MTUS2: variants seen among roughly 807,000 people sequenced by gnomAD.
MTUS2 encodes the protein microtubule-associated tumor suppressor candidate 2.
Under a neutral mutation model 114.1 loss-of-function variants are expected in MTUS2, and 40 were observed. The ratio of observed to expected loss-of-function variants is 0.35; its 90% confidence interval spans 0.27 to 0.46. The LOEUF (loss-of-function observed/expected upper bound fraction) is 0.46. Ranked by LOEUF, MTUS2 falls within the 20% of genes least tolerant of loss-of-function variation. MTUS2 has a pLI of 1.00. For missense variants in MTUS2, 1,679 were observed against 1,705.4 expected (o/e 0.98, Z 0.27); for synonymous variants, 688 against 672.0 (o/e 1.02, Z -0.37).
At chr13:29,115,841 T>C (rs1289468571) in intron 5 of MTUS2, among the ~76,000 whole-genome samples, 2 of 152,188 alleles carry the variant, frequency 1.3e-5, no homozygotes, top group Non-Finnish European at 2.9e-5. Flanking sequence ...GCATTTGAAC[T>C]CAGTGATATT....
intron 9 of MTUS2, among the ~76,000 whole-genome samples, chr13:29,468,308 G>T (rs965693896): frequency 2.0e-5 from 3 of 152,144 alleles, no homozygotes; most frequent in African/African-American, 4.8e-5. Flanking sequence ...GCTGGGCACA[G>T]TGGCTCACGC....
intron 4 of MTUS2, among the ~76,000 whole-genome samples, chr13:29,067,868 A>C (rs1468356427): frequency 1.3e-5 from 2 of 152,198 alleles, no homozygotes; most frequent in Non-Finnish European, 2.9e-5. Context: ...TAAGTGGAAC[A>C]CTGATTCTTC....
chr13:29,416,297 CTCTT>C (rs1441070006), intron 8 of MTUS2, among the ~76,000 whole-genome samples: 1 of 151,906 alleles, frequency 6.6e-6, no homozygotes, highest in African/African-American at 2.4e-5. Flanking sequence ...TTATTTTACT[CTCTT>C]TATTCTGTCT....
intron 1 of MTUS2, among the ~76,000 whole-genome samples, chr13:28,828,046 G>C (rs1300978589): frequency 2.0e-5 from 3 of 152,122 alleles, no homozygotes; most frequent in African/African-American, 7.2e-5. Flanking sequence ...GGAGCGCTAC[G>C]GGAGACTGGG....
intron 6 of MTUS2, among the ~76,000 whole-genome samples, chr13:29,305,169 C>G (rs1315045612): frequency 2.6e-5 from 4 of 152,088 alleles, no homozygotes; most frequent in Non-Finnish European, 4.4e-5. Context: ...CACTGAATGT[C>G]CATGTCAAAA....
intron 2 of MTUS2, among the ~76,000 whole-genome samples, chr13:28,984,525 C>T (rs1344656234): frequency 6.6e-6 from 1 of 152,326 alleles, no homozygotes; most frequent in East Asian, 1.9e-4. Context: ...TCACAGCTTG[C>T]AGCGCACTCT....
At chr13:29,073,322 G>A (rs1889029636) in intron 4 of MTUS2, among the ~76,000 whole-genome samples, 1 of 152,144 alleles carries the variant, frequency 6.6e-6, no homozygotes, top group Non-Finnish European at 1.5e-5. Context: ...TGCTCAGTTA[G>A]CCTCGTGTTT....
At chr13:29,212,159 A>G (rs934870926) in intron 5 of MTUS2, among the ~76,000 whole-genome samples, 1 of 152,078 alleles carries the variant, frequency 6.6e-6, no homozygotes, top group African/African-American at 2.4e-5. Flanking sequence ...ATTGAGTTCA[A>G]AATATTTTCA....
intron 4 of MTUS2, among the ~76,000 whole-genome samples, chr13:29,077,431 G>T (rs1889242597): frequency 6.6e-6 from 1 of 152,076 alleles, no homozygotes; most frequent in East Asian, 1.9e-4. Context: ...ATATTGCCCT[G>T]TACATATAAA....
At chr13:29,465,318 G>A (rs73446144) in intron 9 of MTUS2, among the ~76,000 whole-genome samples, 3,369 of 152,238 alleles carry the variant, frequency 0.022, 111 homozygotes, top group African/African-American at 0.072. Context: ...AGATAAGGAC[G>A]GTGAGGCTTA....
At chr13:29,302,243 G>T (rs1899235918) in intron 6 of MTUS2, among the ~76,000 whole-genome samples, 1 of 152,204 alleles carries the variant, frequency 6.6e-6, no homozygotes, top group African/African-American at 2.4e-5. Context: ...AGCCCACCCA[G>T]GAGTGGCACA....
intron 4 of MTUS2, among the ~76,000 whole-genome samples, chr13:29,079,370 C>G (rs1475910858): frequency 6.6e-6 from 1 of 151,742 alleles, no homozygotes; most frequent in Admixed American, 6.6e-5. Flanking sequence ...GGGTTTTTTT[C>G]TCTTTTTTGA....
chr13:29,493,990 T>A (rs1038700125), intron 12 of MTUS2, among the ~76,000 whole-genome samples: 1 of 152,224 alleles, frequency 6.6e-6, no homozygotes, highest in African/African-American at 2.4e-5. Flanking sequence ...ACCTCCTTGG[T>A]CTACAGGCAC....
chr13:29,333,962 G>T (rs9506144), intron 7 of MTUS2, among the ~76,000 whole-genome samples: 81,823 of 151,754 alleles, frequency 0.54, 25,326 homozygotes, highest in East Asian at 0.75. Context: ...TGCCTTTTTT[G>T]ATCTTTGTTG....
chr13:29,229,169 A>G (rs1240833832), intron 5 of MTUS2, among the ~76,000 whole-genome samples: 1 of 151,338 alleles, frequency 6.6e-6, no homozygotes, highest in Admixed American at 6.6e-5. Flanking sequence ...TTCATGCATC[A>G]CCTGATTTGA....
chr13:29,280,401 T>C (rs530475729), intron 5 of MTUS2, among the ~76,000 whole-genome samples: 1 of 152,342 alleles, frequency 6.6e-6, no homozygotes, highest in South Asian at 2.1e-4. Flanking sequence ...AATGGTGCAT[T>C]CTTTGATTTC....
At chr13:29,272,537 A>C (rs1204995136) in intron 5 of MTUS2, among the ~76,000 whole-genome samples, 1 of 151,828 alleles carries the variant, frequency 6.6e-6, no homozygotes, top group African/African-American at 2.4e-5. Flanking sequence ...TATTCCTAAT[A>C]AATGAAGTAG....
rs1370553291 is a variant in MTUS2, at chr13:29,026,506, C to T, written c.1808C>T (p.Thr603Ile). The T allele has an allele frequency of 1.2e-6, 2 of 1,613,984 alleles. No individual in the cohort carries two copies. Among genetic ancestry groups the T allele is most frequent in the South Asian group, 1.1e-5 (1 of 91,078 alleles). The part of the protein sequence containing the change: ...CPSGIPKPVF[T>I]HSKDTPSSQE... ...AGTGGGATCCCCAAGCCTGTCTTCA[C>T]ACATTCCAAGGACACACCTTCCTCG... Residue 603 changes from threonine (T) to isoleucine (I), a missense_variant, in exon 3 of 16, where the codon ACA (threonine) becomes ATA (isoleucine). By Grantham distance (89) the Thr-to-Ile change is moderately conservative. Transcript: ENST00000612955.
Position 28,968,584 on chromosome 13 carries a change from A to G in MTUS2, c.-242-55873A>G, listed in dbSNP as rs190254131. ...GGTTAGAACTTGGACTGGATGAGATACTTTTCTTGTTCAATTTTAGTGTTT... is the reference window on the plus strand; with the variant it reads ...GGTTAGAACTTGGACTGGATGAGATGCTTTTCTTGTTCAATTTTAGTGTTT... On this transcript the variant is annotated intron_variant, in intron 2 of 15. Transcript: ENST00000612955. Among the ~76,000 whole-genome samples the G allele has an allele frequency of 1.3e-4, 20 of 152,328 alleles. No individual in the cohort carries two copies. In the East Asian group the frequency reaches 3.7e-3, roughly 28 times the overall value.
Sources: allele counts gnomAD v4.1 joint callset (sites outside exome capture counted in the v4.1 genomes callset), GRCh38; gene constraint gnomAD v4.1.1; transcripts MANE v1.5; gene names NCBI Gene and HGNC (gene_info 2026-07-23, HGNC 2026-07-21).